Variants in PRICKLE1 observed in about 807,000 individuals in gnomAD.
PRICKLE1 encodes the protein prickle-like protein 1.
PRICKLE1 carries 14 observed loss-of-function variants against 70.2 expected under a neutral mutation model. That is an observed-to-expected ratio of 0.20 (90% CI 0.13 to 0.31). The LOEUF (loss-of-function observed/expected upper bound fraction) is 0.31. Ranked by LOEUF, PRICKLE1 falls within the 10% of genes least tolerant of loss-of-function variation. The pLI, the probability that PRICKLE1 is intolerant of heterozygous loss-of-function variation, is 1.00. For missense variants in PRICKLE1, 821 were observed against 1,026.2 expected, an observed-to-expected ratio of 0.80 and a Z score of 2.73; for synonymous variants, 357 against 379.9, an observed-to-expected ratio of 0.94 and a Z score of 0.70.
At chr12:42,500,063 T>C (rs1027379268) in intron 1 of PRICKLE1, among the ~76,000 whole-genome samples, 1 of 152,140 alleles carries the variant, frequency 6.6e-6, no homozygotes, top group Non-Finnish European at 1.5e-5. Flanking sequence ...GGCCTAGAAA[T>C]TTTTAATACC....
chr12:42,581,427 A>T (rs1281950941), intron 1 of PRICKLE1, among the ~76,000 whole-genome samples: 2 of 151,878 alleles, frequency 1.3e-5, no homozygotes, highest in African/African-American at 4.8e-5. Context: ...AAACAGGATA[A>T]ATTGACAAAG....
rs749735572 is a variant in PRICKLE1, at chr12:42,464,657, G to A, written c.1377C>T (p.Asn459=). The change falls in exon 7 of 8, where the codon AAC becomes AAT. Residue 459 remains asparagine, a synonymous_variant. Coordinates refer to ENST00000345127, the MANE Select transcript of PRICKLE1 (RefSeq NM_153026.3). The surrounding 1 kb of genome is among the most constrained non-coding windows in gnomAD (Gnocchi z 4.2). The part of the protein sequence containing the change: ...VKSKTELKQN[N]QSLASKKYQS... ...GGTATTTTTTACTTGCAAGGCTCTG[G>A]TTATTTTGCTTTAACTCGGTCTTAC... The A allele has an allele frequency of 1.3e-5, 21 of 1,613,962 alleles. No individual in the cohort carries two copies. The highest frequency in any genetic ancestry group is 1.7e-5 in the Non-Finnish European group (20 of 1,179,992).
intron 1 of PRICKLE1, among the ~76,000 whole-genome samples, chr12:42,497,058 A>G (rs1242672604): frequency 6.6e-6 from 1 of 152,146 alleles, no homozygotes; most frequent in Non-Finnish European, 1.5e-5. Context: ...CTTACTCACT[A>G]AGCTTAATCA....
At chr12:42,572,562 C>T (rs895172157) in intron 1 of PRICKLE1, among the ~76,000 whole-genome samples, 2 of 151,966 alleles carry the variant, frequency 1.3e-5, no homozygotes, top group Non-Finnish European at 2.9e-5. Flanking sequence ...AAGGCTCAAG[C>T]TTGTAATTCT....
At chr12:42,506,258 T>TG (rs1566105935) in intron 1 of PRICKLE1, among the ~76,000 whole-genome samples, 2 of 40,124 alleles carry the variant, frequency 5.0e-5, no homozygotes, top group Admixed American at 7.6e-4. Flanking sequence ...TTTCTTTCTT[T>TG]CTTTTTTTTT....
chr12:42,585,624 C>T (rs1269502394), intron 1 of PRICKLE1, among the ~76,000 whole-genome samples: 2 of 152,138 alleles, frequency 1.3e-5, no homozygotes, highest in Non-Finnish European at 2.9e-5. Context: ...CATCAGCGTG[C>T]TCCAACCTGT....
intron 1 of PRICKLE1, among the ~76,000 whole-genome samples, chr12:42,545,863 A>T (rs1355651158): frequency 5.6e-5 from 8 of 144,144 alleles, no homozygotes; most frequent in Admixed American, 5.0e-4. Context: ...AAAGAAAAAA[A>T]AAAAATATAT....
intron 1 of PRICKLE1, among the ~76,000 whole-genome samples, chr12:42,499,427 AT>A (rs550884637): frequency 2.6e-3 from 372 of 144,384 alleles, no homozygotes; most frequent in Middle Eastern, 3.6e-3. Context: ...TAAATCTAGA[AT>A]TTTTTTTTTT....
chr12:42,464,774 G>T lies in PRICKLE1; in HGVS notation c.1260C>A (p.Leu420=). ...DHEDYMTQLL[L]KFGDKSLFQP... ...GAAAGAGGCTTTTATCACCAAACTT[G>T]AGGAGGAGCTGCGTCATATAATCTT... is the stretch of plus-strand genomic sequence containing the variant. The change falls in exon 7 of 8, where the codon CTC becomes CTA. Residue 420 remains leucine, a synonymous_variant. Transcript: ENST00000345127. This position sits in a 1 kb window ranked among gnomAD's most constrained non-coding sequence, Gnocchi z 4.2. 1 of 1,614,022 alleles carries T rather than the reference G, an allele frequency of 6.2e-7. No homozygotes were observed. The highest frequency in any genetic ancestry group is 8.5e-7 in the Non-Finnish European group (1 of 1,180,004).
chr12:42,580,168 C>T (rs533324905), intron 1 of PRICKLE1, among the ~76,000 whole-genome samples: 2 of 152,230 alleles, frequency 1.3e-5, no homozygotes, highest in Non-Finnish European at 2.9e-5. Flanking sequence ...AGTCACCACA[C>T]CTGGCCCCAG....
chr12:42,512,730 T>C (rs565678104), intron 1 of PRICKLE1, among the ~76,000 whole-genome samples: 20 of 151,868 alleles, frequency 1.3e-4, no homozygotes, highest in African/African-American at 4.1e-4. Flanking sequence ...TGATCTCGGC[T>C]CACTGCAACC....
chr12:42,497,409 C>A (rs529934698), intron 1 of PRICKLE1, among the ~76,000 whole-genome samples: 1 of 151,962 alleles, frequency 6.6e-6, no homozygotes, highest in South Asian at 2.1e-4. Flanking sequence ...ATTAGCAGGG[C>A]GTGGTGGTGG....
At chr12:42,565,516 G>A (rs1275388254) in intron 1 of PRICKLE1, among the ~76,000 whole-genome samples, 1 of 152,106 alleles carries the variant, frequency 6.6e-6, no homozygotes. Flanking sequence ...AAAGCAGCAT[G>A]AAATCAACAA....
intron 7 of PRICKLE1, among the ~76,000 whole-genome samples, chr12:42,462,028 G>A (rs1937862282): frequency 6.6e-6 from 1 of 152,044 alleles, no homozygotes; most frequent in Non-Finnish European, 1.5e-5. Flanking sequence ...TTGATCTCCT[G>A]ACCTCGTGAT....
intron 1 of PRICKLE1, among the ~76,000 whole-genome samples, chr12:42,560,959 G>T (rs1044896659): frequency 5.9e-5 from 9 of 152,182 alleles, no homozygotes; most frequent in African/African-American, 2.2e-4. Flanking sequence ...TGCCTGAAAT[G>T]CTATAAATCT....
Position 42,458,965 on chromosome 12 carries a change from A to G in PRICKLE1, c.*844T>C. 7.6e-6 allele frequency: 2 copies of G among 262,864 alleles called. 1 individual carries two copies. Among genetic ancestry groups the G allele is most frequent in the South Asian group, 1.2e-4 (2 of 16,646 alleles). 16.3% of individuals were successfully genotyped at this position (262,864 alleles called of 1,614,324 possible). A position where few individuals can be genotyped will look rare whatever the true frequency, so the allele number is the denominator to read the frequency against. ...CCACCATGCATACAGAGCCTTTTTT[A>G]ATATTGGAAAAAAAAATCAAAAAAA... On this transcript the variant is annotated 3_prime_UTR_variant, in exon 8 of 8. Transcript: ENST00000345127.
intron 1 of PRICKLE1, among the ~76,000 whole-genome samples, chr12:42,502,655 C>T (rs767899587): frequency 6.6e-6 from 1 of 152,130 alleles, no homozygotes; most frequent in Non-Finnish European, 1.5e-5. Flanking sequence ...CTCCTTTCTA[C>T]TTTCAACTAC....
At chr12:42,468,974 C>T (rs1014999566) in intron 4 of PRICKLE1, 145 bp from the exon 5 acceptor site, 2 of 772,968 alleles carry the variant, frequency 2.6e-6, no homozygotes, top group Non-Finnish European at 4.4e-6. Context: ...CTCTTTAATG[C>T]TGGATTACTG....
chr12:42,521,409 C>T (rs567976814), intron 1 of PRICKLE1, among the ~76,000 whole-genome samples: 23 of 152,050 alleles, frequency 1.5e-4, no homozygotes, highest in African/African-American at 5.1e-4. Context: ...CAGTTAAAAG[C>T]AGTTAATAGA....
Sources: allele counts gnomAD v4.1 joint callset (sites outside exome capture counted in the v4.1 genomes callset), GRCh38; gene constraint gnomAD v4.1.1; non-coding constraint Gnocchi (gnomAD v3.1); transcripts MANE v1.5; gene names NCBI Gene and HGNC (gene_info 2026-07-23, HGNC 2026-07-21).